Variants in TRDN observed in about 807,000 individuals in gnomAD.
The protein encoded by TRDN is triadin.
TRDN carries 161 observed loss-of-function variants against 149.7 expected under a neutral mutation model. That is an observed-to-expected ratio of 1.08 (90% CI 0.95 to 1.23). The LOEUF (loss-of-function observed/expected upper bound fraction) is 1.23. Among genes scored for constraint, TRDN ranks in the 50% most tolerant of loss-of-function variants. TRDN has a pLI of 0.00. For synonymous variants in TRDN, 294 were observed against 250.5 expected (o/e 1.17, Z -1.64); for missense variants, 896 against 823.5 (o/e 1.09, Z -1.08).
intron 2 of TRDN, among the ~76,000 whole-genome samples, chr6:123,554,580 A>G (rs1217222013): frequency 6.6e-6 from 1 of 152,178 alleles, no homozygotes; most frequent in Admixed American, 6.6e-5. Context: ...GCCCTGAGTT[A>G]CATGTCAATT....
At chr6:123,335,065 C>A (rs927316076) in intron 22 of TRDN, among the ~76,000 whole-genome samples, 1 of 151,946 alleles carries the variant, frequency 6.6e-6, no homozygotes, top group Non-Finnish European at 1.5e-5. Context: ...TTCAAAGAGA[C>A]TCTCCAAAAA....
At chr6:123,388,291 C>G (rs940315085) in intron 14 of TRDN, among the ~76,000 whole-genome samples, 3 of 152,074 alleles carry the variant, frequency 2.0e-5, no homozygotes, top group African/African-American at 7.2e-5. Context: ...TTTTGAGAAG[C>G]TATGTTTTAT....
At chr6:123,457,894 G>A (rs1480252417) in intron 10 of TRDN, among the ~76,000 whole-genome samples, 1 of 152,020 alleles carries the variant, frequency 6.6e-6, no homozygotes, top group Admixed American at 6.6e-5. Context: ...CCAAGCCTCC[G>A]CCATCACAGC....
chr6:123,430,331 C>T (rs1247180007), intron 12 of TRDN, among the ~76,000 whole-genome samples: 1 of 151,790 alleles, frequency 6.6e-6, no homozygotes, highest in Non-Finnish European at 1.5e-5. Context: ...ACGTGTAATC[C>T]CAGCACTTTG....
Position 123,382,074 on chromosome 6 carries a change from G to T in TRDN, c.1165+44C>A. 3 of 1,393,204 alleles carry T rather than the reference G, an allele frequency of 2.2e-6. No individual in the cohort carries two copies. In the South Asian group the frequency reaches 4.6e-5, roughly 21 times the overall value. 86.3% of individuals were successfully genotyped at this position (1,393,204 alleles called of 1,614,324 possible). ...CCTTTAAGAAGGTATGCTGTTTCAT[G>T]GTTCATCAAACATAAGGCAGAAAAA... On this transcript the variant is annotated intron_variant, in intron 15 of 40. Coordinates refer to ENST00000334268, the MANE Select transcript of TRDN (RefSeq NM_006073.4).
At chr6:123,289,052 C>CTA (rs200145779) in intron 24 of TRDN, among the ~76,000 whole-genome samples, 3 of 140,042 alleles carry the variant, frequency 2.1e-5, no homozygotes, top group Non-Finnish European at 4.6e-5. Context: ...TATATATACA[C>CTA]TATATATATA....
rs28608008 is a variant in TRDN, at chr6:123,542,888, C to G, written c.424+4452G>C. 3.9e-3 allele frequency among the ~76,000 whole-genome samples: 469 copies of G among 119,706 alleles called. 1 individual carries two copies. The highest frequency in any genetic ancestry group is 0.014 in the African/African-American group (453 of 31,906). 78.5% of individuals were successfully genotyped at this position (119,706 alleles called of 152,430 possible). A position where few individuals can be genotyped will look rare whatever the true frequency, so the allele number is the denominator to read the frequency against. ...TGTGTGTGTGTGTGTGTGTGTGTGT[C>G]TGTCTGTCTGTCACTGCGTCTGGCC... is the stretch of plus-strand genomic sequence containing the variant. On this transcript the variant is annotated intron_variant, in intron 4 of 40. Transcript: ENST00000334268.
chr6:123,493,798 C>A (rs1778321612), intron 9 of TRDN, among the ~76,000 whole-genome samples: 1 of 152,130 alleles, frequency 6.6e-6, no homozygotes, highest in African/African-American at 2.4e-5. Flanking sequence ...AATGTCTCAC[C>A]ACTTACATTG....
chr6:123,470,029 T>C (rs1777063278), intron 9 of TRDN: 1 of 152,168 alleles, frequency 6.6e-6, no homozygotes, highest in Admixed American at 6.5e-5. Flanking sequence ...TTTTAAAATT[T>C]ATGATGCTAA....
intron 10 of TRDN, among the ~76,000 whole-genome samples, chr6:123,461,666 C>T (rs879793484): frequency 1.1e-4 from 16 of 152,066 alleles, no homozygotes; most frequent in Admixed American, 2.6e-4. Context: ...CCTTGGTAAT[C>T]GGGAAGAGGG....
At chr6:123,392,136 A>G (rs1772504951) in intron 13 of TRDN, among the ~76,000 whole-genome samples, 2 of 152,044 alleles carry the variant, frequency 1.3e-5, no homozygotes, top group Non-Finnish European at 2.9e-5. Flanking sequence ...TAATTCTAAC[A>G]AGACTTTGAA....
At chr6:123,575,607 CATTTTGATTTCATACAAA>C (rs1335565336) in intron 1 of TRDN, among the ~76,000 whole-genome samples, 3 of 152,048 alleles carry the variant, frequency 2.0e-5, no homozygotes, top group Non-Finnish European at 4.4e-5. Context: ...TAATTCTATT[CATTTTGATTTCATACAAA>C]ATTTTGATTG....
chr6:123,551,679 T>C (rs1781399831), intron 2 of TRDN, among the ~76,000 whole-genome samples: 1 of 152,056 alleles, frequency 6.6e-6, no homozygotes, highest in African/African-American at 2.4e-5. Context: ...AGGTATATTA[T>C]TTTATACCTT....
chr6:123,469,351 GA>G (rs1290570711), intron 9 of TRDN, among the ~76,000 whole-genome samples: 1 of 152,092 alleles, frequency 6.6e-6, no homozygotes, highest in Non-Finnish European at 1.5e-5. Context: ...ACCACTTAGG[GA>G]TGGAAAGAGG....
chr6:123,449,176 C>G (rs919376184), intron 10 of TRDN, among the ~76,000 whole-genome samples: 5 of 151,988 alleles, frequency 3.3e-5, no homozygotes, highest in Admixed American at 3.3e-4. Flanking sequence ...CAGCACACCC[C>G]AAAAATCATA....
At chr6:123,497,311 A>T in intron 8 of TRDN, 59 bp from the exon 9 acceptor site, 5 of 1,184,730 alleles carry the variant, frequency 4.2e-6, no homozygotes, top group Non-Finnish European at 5.7e-6. Context: ...TCATTTTTCT[A>T]CAGAGAAATA....
chr6:123,293,956 G>C (rs1411872582), intron 24 of TRDN, among the ~76,000 whole-genome samples: 1 of 152,114 alleles, frequency 6.6e-6, no homozygotes, highest in Non-Finnish European at 1.5e-5. Context: ...GGGACTAGCA[G>C]CACCTTGGGG....
intron 5 of TRDN, among the ~76,000 whole-genome samples, chr6:123,521,930 T>A (rs951972235): frequency 2.6e-5 from 4 of 152,176 alleles, no homozygotes; most frequent in Admixed American, 2.6e-4. Flanking sequence ...AACTGGATCT[T>A]ATTCATCATG....
In TRDN at chr6:123,636,834, G is replaced by C; in HGVS notation, c.-59C>G. 1 of 1,606,600 alleles carries C rather than the reference G, an allele frequency of 6.2e-7. No homozygotes were observed. The highest frequency in any genetic ancestry group is 8.5e-7 in the Non-Finnish European group (1 of 1,174,270). On this transcript the variant is annotated 5_prime_UTR_variant, in exon 1 of 41. Coordinates refer to ENST00000334268, the MANE Select transcript of TRDN (RefSeq NM_006073.4). ...TTCCCGTCAAGTTGCACTTTGCAGA[G>C]TATTTGGGGATTTGAGAACTCTGGT...
Sources: allele counts gnomAD v4.1 joint callset (sites outside exome capture counted in the v4.1 genomes callset), GRCh38; gene constraint gnomAD v4.1.1; transcripts MANE v1.5; gene names NCBI Gene and HGNC (gene_info 2026-07-23, HGNC 2026-07-21).